ZSWIM6: variants seen among roughly 807,000 people sequenced by gnomAD.
ZSWIM6 encodes zinc finger SWIM-type containing 6.
A neutral mutation model predicts 113.2 loss-of-function variants in ZSWIM6; 9 were observed. The ratio of observed to expected loss-of-function variants is 0.08; its 90% CI spans 0.05 to 0.14. ZSWIM6 has a LOEUF of 0.14. Among genes scored for constraint, ZSWIM6 ranks in the 10% least tolerant of loss-of-function variants. The probability of loss-of-function intolerance (pLI) is 1.00; values close to 1 mark genes in which losing one functional copy is unlikely to be tolerated. For synonymous variants in ZSWIM6, 611 were observed against 606.5 expected (o/e 1.01, Z -0.11); for missense variants, 1,162 against 1,552.2 (o/e 0.75, Z 4.22).
Position 61,541,752 on chromosome 5 carries a change from T to C in ZSWIM6, c.2704-132T>C, listed in dbSNP as rs72761465. On this transcript the variant is annotated intron_variant, in intron 12 of 13. Transcript: ENST00000252744. Reference sequence around the variant, plus strand: ...TCCAAATTCATATGTAGAGCTTTGCTCTAAATTATGCTTTCATCTTCCTGG... The same window carrying C: ...TCCAAATTCATATGTAGAGCTTTGCCCTAAATTATGCTTTCATCTTCCTGG... 28,767 of 750,502 alleles carry C rather than the reference T, an allele frequency of 0.038. 761 individuals are homozygous for C. The highest frequency in any genetic ancestry group is 0.083 in the Admixed American group (3,156 of 37,830). 46.5% of individuals were successfully genotyped at this position (750,502 alleles called of 1,614,324 possible).
chr5:61,506,539 A>G (rs929174261), intron 4 of ZSWIM6, among the ~76,000 whole-genome samples: 1 of 151,906 alleles, frequency 6.6e-6, no homozygotes, highest in Non-Finnish European at 1.5e-5. Context: ...ACGCCACTGC[A>G]CTCTAGCCTG....
chr5:61,448,354 G>GT (rs1747010236), intron 1 of ZSWIM6, among the ~76,000 whole-genome samples: 1 of 152,152 alleles, frequency 6.6e-6, no homozygotes, highest in Non-Finnish European at 1.5e-5. Context: ...ATTTGGATTT[G>GT]TGGGTCAAGT....
intron 1 of ZSWIM6, among the ~76,000 whole-genome samples, chr5:61,441,123 T>G (rs1360677115): frequency 6.6e-6 from 1 of 152,078 alleles, no homozygotes; most frequent in African/African-American, 2.4e-5. Context: ...AGCTAAGAGA[T>G]TTATATTGTT....
intron 4 of ZSWIM6, among the ~76,000 whole-genome samples, chr5:61,517,380 C>T (rs999018855): frequency 8.0e-4 from 122 of 152,210 alleles, no homozygotes; most frequent in Middle Eastern, 3.4e-3. Flanking sequence ...ACTGACTTTT[C>T]CCTCTGTCAT....
intron 1 of ZSWIM6, chr5:61,391,059 C>A (rs1413478342): frequency 5.4e-6 from 4 of 738,270 alleles, no homozygotes; most frequent in Non-Finnish European, 1.0e-5. Context: ...AGTAACCTTT[C>A]TGCCAAATGC....
At chr5:61,333,548 C>G (rs559302380) in intron 1 of ZSWIM6, among the ~76,000 whole-genome samples, 2 of 151,932 alleles carry the variant, frequency 1.3e-5, no homozygotes, top group Non-Finnish European at 1.5e-5. Flanking sequence ...GCGGCGCTCC[C>G]GGGTCGCTGT....
At chr5:61,349,525 T>C (rs1744738905) in intron 1 of ZSWIM6, among the ~76,000 whole-genome samples, 1 of 152,202 alleles carries the variant, frequency 6.6e-6, no homozygotes, top group African/African-American at 2.4e-5. Context: ...ATATGACTGC[T>C]GGATAAGTAG....
At chr5:61,350,574 A>G (rs1744761898) in intron 1 of ZSWIM6, among the ~76,000 whole-genome samples, 2 of 152,076 alleles carry the variant, frequency 1.3e-5, no homozygotes, top group African/African-American at 2.4e-5. Context: ...CAATTTAAAG[A>G]TATGTAAATT....
At chr5:61,469,708 C>CA (rs1554036696) in intron 1 of ZSWIM6, among the ~76,000 whole-genome samples, 1 of 147,840 alleles carries the variant, frequency 6.8e-6, no homozygotes, top group Non-Finnish European at 1.5e-5. Flanking sequence ...TCCCCCCAAC[C>CA]TTTTTTTTTT....
At chr5:61,442,591 A>G (rs1746863645) in intron 1 of ZSWIM6, among the ~76,000 whole-genome samples, 1 of 152,200 alleles carries the variant, frequency 6.6e-6, no homozygotes, top group Non-Finnish European at 1.5e-5. Context: ...CTGATTAGTC[A>G]TGTGAAATGC....
intron 1 of ZSWIM6, among the ~76,000 whole-genome samples, chr5:61,376,829 T>C (rs985049878): frequency 1.3e-5 from 2 of 148,638 alleles, no homozygotes; most frequent in Admixed American, 1.4e-4. Flanking sequence ...TTAGCTTTTG[T>C]TAACTCCTCA....
intron 5 of ZSWIM6, among the ~76,000 whole-genome samples, chr5:61,521,866 G>A (rs1561276736): frequency 6.6e-6 from 1 of 152,026 alleles, no homozygotes; most frequent in Non-Finnish European, 1.5e-5. Flanking sequence ...GCATAATTTA[G>A]TCACTTAATT....
chr5:61,521,685 A>G (rs941023595), intron 5 of ZSWIM6, among the ~76,000 whole-genome samples: 3 of 152,200 alleles, frequency 2.0e-5, no homozygotes, highest in Non-Finnish European at 4.4e-5. Flanking sequence ...CTTATTTTAT[A>G]TACTAGTATG....
rs1349353123 is a variant in ZSWIM6 at position 61,332,613 on chromosome 5, TC to T, written c.346del (p.Arg116AlafsTer104). 4.7e-6 allele frequency: 6 copies of T among 1,265,050 alleles called. No individual in the cohort carries two copies. Among genetic ancestry groups the T allele is most frequent in the East Asian group, 1.1e-4 (2 of 18,956 alleles). 78.4% of individuals were successfully genotyped at this position (1,265,050 alleles called of 1,614,324 possible). A position where few individuals can be genotyped will look rare whatever the true frequency, so the allele number is the denominator to read the frequency against. On this transcript the variant is annotated frameshift_variant, in exon 1 of 14. Coordinates refer to ENST00000252744, the MANE Select transcript of ZSWIM6 (RefSeq NM_020928.2). LOFTEE classifies it high-confidence loss of function. Reference sequence around the variant, plus strand: ...CAGCGCCGCATAGTCTATTGGTCCTTCCCCCGCAGCGAGCGGGAGATCTGCA... The same window carrying T: ...CAGCGCCGCATAGTCTATTGGTCCTTCCCCGCAGCGAGCGGGAGATCTGCA... The part of the protein sequence containing the change: ...PVQRRIVYWS[F>X]PRSEREICMY...
intron 1 of ZSWIM6, among the ~76,000 whole-genome samples, chr5:61,417,617 A>T (rs1203066876): frequency 6.6e-6 from 1 of 152,228 alleles, no homozygotes. Context: ...TCATGTTAGC[A>T]TGTGCTTTTC....
chr5:61,414,767 G>A (rs1267947690), intron 1 of ZSWIM6, among the ~76,000 whole-genome samples: 1 of 152,156 alleles, frequency 6.6e-6, no homozygotes, highest in African/African-American at 2.4e-5. Context: ...GATTATTTAT[G>A]TTTCAAAGGG....
At chr5:61,532,688 A>G (rs1481790246) in intron 9 of ZSWIM6, among the ~76,000 whole-genome samples, 1 of 152,192 alleles carries the variant, frequency 6.6e-6, no homozygotes, top group Non-Finnish European at 1.5e-5. Context: ...TTAAAGGGAA[A>G]ATGCTCTTCA....
chr5:61,477,493 G>A lies in ZSWIM6; in HGVS notation c.1033+4456G>A, dbSNP rs899338541. On this transcript the variant is annotated intron_variant, in intron 2 of 13. Coordinates refer to ENST00000252744, the MANE Select transcript of ZSWIM6 (RefSeq NM_020928.2). ...AACCTAGGCTCCGTACTGCAAAGGCGTACCTTCTGTAGCTTCACCCAGGTG... is the reference window on the plus strand; with the variant it reads ...AACCTAGGCTCCGTACTGCAAAGGCATACCTTCTGTAGCTTCACCCAGGTG... Among the ~76,000 whole-genome samples the A allele has an allele frequency of 1.6e-4, 24 of 152,172 alleles. 1 individual carries two copies. The highest frequency in any genetic ancestry group is 1.2e-3 in the East Asian group (6 of 5,196).
At chr5:61,482,794 C>T (rs1171945440) in intron 2 of ZSWIM6, among the ~76,000 whole-genome samples, 9 of 151,864 alleles carry the variant, frequency 5.9e-5, no homozygotes, top group Admixed American at 3.3e-4. Flanking sequence ...AATGGAGGCC[C>T]GAAGAGCTTA....
Sources: allele counts gnomAD v4.1 joint callset (sites outside exome capture counted in the v4.1 genomes callset), GRCh38; gene constraint gnomAD v4.1.1; transcripts MANE v1.5; gene names NCBI Gene and HGNC (gene_info 2026-07-23, HGNC 2026-07-21).